TP63: variants seen among roughly 807,000 people sequenced by gnomAD.
TP63 encodes tumor protein 63.
In TP63, 17 loss-of-function variants were observed where a neutral mutation model predicts 82.8. The ratio of observed to expected loss-of-function variants is 0.21; its 90% CI spans 0.14 to 0.31. The LOEUF is 0.31. Among genes scored for constraint, TP63 ranks in the 10% least tolerant of loss-of-function variants. The pLI is 1.00. For synonymous variants in TP63, 330 were observed against 321.7 expected (o/e 1.03, Z -0.28); for missense variants, 648 against 895.3 (o/e 0.72, Z 3.52).
At chr3:189,778,031 T>A (rs1576934223) in intron 3 of TP63, among the ~76,000 whole-genome samples, 1 of 151,878 alleles carries the variant, frequency 6.6e-6, no homozygotes, top group East Asian at 1.9e-4. Flanking sequence ...AATTTCTGTA[T>A]TTCCAGTAGA....
intron 3 of TP63, among the ~76,000 whole-genome samples, chr3:189,760,510 C>T (rs762633691): frequency 3.9e-5 from 6 of 152,322 alleles, no homozygotes; most frequent in Admixed American, 2.6e-4. Flanking sequence ...ATCCAGATCA[C>T]GCTGATGCAA....
rs574213198 is a variant in TP63, at chr3:189,644,369, A to G, written c.62+12792A>G. Among the ~76,000 whole-genome samples, 6 of 152,106 alleles carry G rather than the reference A, an allele frequency of 3.9e-5. No individual in the cohort carries two copies. The East Asian group carries it at 1.2e-3, about 29-fold the overall frequency. On this transcript the variant is annotated intron_variant, in intron 1 of 13. Transcript: ENST00000264731. Reference sequence around the variant, plus strand: ...TGTGAAAATTTATTCCCTTCTTCAAAGTTTGTCTTAATTTCTATTTATTTC... The same window carrying G: ...TGTGAAAATTTATTCCCTTCTTCAAGGTTTGTCTTAATTTCTATTTATTTC...
intron 1 of TP63, among the ~76,000 whole-genome samples, chr3:189,726,880 A>G (rs994395374): frequency 2.6e-5 from 4 of 152,250 alleles, no homozygotes; most frequent in Admixed American, 2.0e-4. Flanking sequence ...AGGTGTTAGC[A>G]AACTTTTTCT....
the TP63 span, among the ~76,000 whole-genome samples, chr3:189,602,091 AC>A: frequency 2.0e-5 from 3 of 152,156 alleles, no homozygotes; most frequent in Admixed American, 6.5e-5. Context: ...CTTAAATAAT[AC>A]CTTTAAACTC....
intron 1 of TP63, among the ~76,000 whole-genome samples, chr3:189,669,021 CA>C (rs5855269): frequency 0.34 from 51,295 of 149,372 alleles, 9,037 homozygotes; most frequent in Non-Finnish European, 0.38. Flanking sequence ...TGAAAGAAAC[CA>C]AAAAAAAAAC....
chr3:189,875,281 C>G (rs906576517), intron 10 of TP63, among the ~76,000 whole-genome samples: 1 of 151,678 alleles, frequency 6.6e-6, no homozygotes, highest in South Asian at 2.1e-4. Flanking sequence ...CTATTAAAAA[C>G]TGTAGGCCGG....
intron 1 of TP63, among the ~76,000 whole-genome samples, chr3:189,670,792 C>T (rs1339057587): frequency 2.0e-5 from 3 of 151,964 alleles, no homozygotes; most frequent in Non-Finnish European, 4.4e-5. Flanking sequence ...GTGCCAGGGA[C>T]ATACATTGGG....
intron 1 of TP63, among the ~76,000 whole-genome samples, chr3:189,732,385 A>G (rs1282503195): frequency 1.3e-5 from 2 of 152,158 alleles, no homozygotes; most frequent in Non-Finnish European, 1.5e-5. Flanking sequence ...TGATGAGGGT[A>G]TTGTTTTGAC....
chr3:189,882,246 T>A (rs115714764), intron 10 of TP63, among the ~76,000 whole-genome samples: 5,084 of 152,220 alleles, frequency 0.033, 111 homozygotes, highest in Middle Eastern at 0.13. Context: ...CAGCCTTTTT[T>A]AAGTAAGTTT....
At chr3:189,893,082 G>A (rs181302517) in intron 13 of TP63, among the ~76,000 whole-genome samples, 174 of 152,230 alleles carry the variant, frequency 1.1e-3, no homozygotes, top group Non-Finnish European at 2.0e-3. Flanking sequence ...TCCTGGAAAA[G>A]GAATGTGACC....
chr3:189,677,228 T>C (rs1000639495), intron 1 of TP63, among the ~76,000 whole-genome samples: 1 of 150,406 alleles, frequency 6.6e-6, no homozygotes, highest in African/African-American at 2.4e-5. Context: ...ACATATTGCA[T>C]GTTTATATAT....
chr3:189,660,622 G>A (rs1009272967), intron 1 of TP63, among the ~76,000 whole-genome samples: 1 of 151,956 alleles, frequency 6.6e-6, no homozygotes, highest in African/African-American at 2.4e-5. Context: ...GTTTGATAAG[G>A]ATAATGTTGA....
chr3:189,641,795 C>CTTA (rs1711904166), intron 1 of TP63, among the ~76,000 whole-genome samples: 1 of 152,144 alleles, frequency 6.6e-6, no homozygotes, highest in Admixed American at 6.6e-5. Context: ...GGAAAGCAAA[C>CTTA]TTATACATGT....
At chr3:189,681,443 C>T (rs531617902) in intron 1 of TP63, among the ~76,000 whole-genome samples, 71 of 152,262 alleles carry the variant, frequency 4.7e-4, no homozygotes, top group African/African-American at 1.7e-3. Context: ...AATTACAAGA[C>T]GTATTTCCTA....
rs145488767 is a variant in TP63 at position 189,718,567 on chromosome 3, T to G, written c.63-19173T>G. Among the ~76,000 whole-genome samples, 344 of 151,172 alleles carry G rather than the reference T, an allele frequency of 2.3e-3. 3 individuals are homozygous for G. Among genetic ancestry groups the G allele is most frequent in the African/African-American group, 8.1e-3 (334 of 41,190 alleles). On this transcript the variant is annotated intron_variant, in intron 1 of 13. Coordinates refer to ENST00000264731, the MANE Select transcript of TP63 (RefSeq NM_003722.5). ...CTCCCATCAGATCCCTCCCCTGACA[T>G]GTGAGGACAAGATTTGGGTGGGGAG... is the stretch of plus-strand genomic sequence containing the variant.
chr3:189,791,666 C>T (rs1253008537), intron 3 of TP63, among the ~76,000 whole-genome samples: 2 of 152,052 alleles, frequency 1.3e-5, no homozygotes, highest in Non-Finnish European at 2.9e-5. Context: ...TTGCATGTTG[C>T]CTGCATGACT....
At chr3:189,603,453 T>G in the TP63 span, among the ~76,000 whole-genome samples, 1 of 151,922 alleles carries the variant, frequency 6.6e-6, no homozygotes, top group Non-Finnish European at 1.5e-5. Context: ...CTAATTCTAC[T>G]TAGTGTTAAT....
At chr3:189,657,173 G>A (rs556461041) in intron 1 of TP63, among the ~76,000 whole-genome samples, 3 of 152,004 alleles carry the variant, frequency 2.0e-5, no homozygotes, top group African/African-American at 7.2e-5. Flanking sequence ...GTTGCCAGGG[G>A]TTTGGGGTAA....
At chr3:189,872,092 C>T (rs1197870014) in intron 9 of TP63, among the ~76,000 whole-genome samples, 1 of 152,088 alleles carries the variant, frequency 6.6e-6, no homozygotes, top group African/African-American at 2.4e-5. Context: ...TATTTTATCC[C>T]ACATGGAAAC....
Sources: gnomAD v4.1 joint callset for allele counts (sites outside exome capture counted in the v4.1 genomes callset) on GRCh38, gnomAD v4.1.1 for gene constraint, MANE v1.5 for transcripts, NCBI Gene and HGNC (gene_info 2026-07-23, HGNC 2026-07-21) for gene names.